The following VIL1 variants were observed in gnomAD, a reference collection of about 807,000 sequenced individuals.
VIL1 encodes villin 1.
VIL1 carries 86 observed loss-of-function variants against 104.0 expected under a neutral mutation model. The observed-to-expected ratio is 0.83, with a 90% CI of 0.69 to 0.99. The LOEUF is 0.99. Ranked by LOEUF, VIL1 falls within the 50% of genes least tolerant of loss-of-function variation. The probability of loss-of-function intolerance (pLI) is 0.00; values close to 1 mark genes in which losing one functional copy is unlikely to be tolerated. For synonymous variants in VIL1, 394 were observed against 412.6 expected (o/e 0.95, Z 0.55); for missense variants, 944 against 1,054.1 (o/e 0.90, Z 1.45).
Position 218,430,871 on chromosome 2 carries a change from C to T in VIL1, c.1095C>T (p.Gly365=). 1 of 1,612,938 alleles carries T rather than the reference C, an allele frequency of 6.2e-7. No homozygotes were observed. Among genetic ancestry groups the T allele is most frequent in the Non-Finnish European group, 8.5e-7 (1 of 1,179,496 alleles). ...GCCTAGGCAAAACCCACACTGTGGG[C>T]TCCGTGGGTGAGGGCCAGGCGGGGG... The part of the protein sequence containing the change: ...TSGLGKTHTV[G]SVAKVEQVKF... The change falls in exon 10 of 20, where the codon GGC becomes GGT. Residue 365 remains glycine (G), a synonymous_variant. Transcript: ENST00000248444.
chr2:218,423,632 TG>T (rs930343864), intron 1 of VIL1, 135 bp from the exon 2 acceptor site: 9 of 746,962 alleles, frequency 1.2e-5, no homozygotes, highest in Non-Finnish European at 2.1e-5. Flanking sequence ...GGTCCCTGAG[TG>T]GGGAGTAACC....
In VIL1 at chr2:218,436,716, T is replaced by C. The variant is rs187003291; in HGVS notation, c.1971+90T>C. ...GGCTTTAAGGTTAGGTAAGTGTCAA[T>C]GTTTTCTTGGCCCTTACATAATTTC... On this transcript the variant is annotated intron_variant, in intron 16 of 19. Transcript: ENST00000248444. The C allele has an allele frequency of 3.0e-4, 440 of 1,470,526 alleles. 4 individuals carry two copies. The African/African-American group carries it at 5.5e-3, about 18-fold the overall frequency. The allele number at this position is 1,470,526 out of a possible 1,614,324, so 91.1% of individuals were successfully genotyped here. A position where few individuals can be genotyped will look rare whatever the true frequency, so the allele number is the denominator to read the frequency against.
chr2:218,429,785 T>A (rs1283618761), intron 8 of VIL1, 64 bp from the exon 9 acceptor site: 4 of 1,585,238 alleles, frequency 2.5e-6, no homozygotes, highest in Non-Finnish European at 2.6e-6. Flanking sequence ...GACTTTTTTG[T>A]GTGTGAGGCT....
chr2:218,438,641 A>C lies in VIL1; in HGVS notation c.2161-17A>C. Reference sequence around the variant, plus strand: ...TGCTGAGATCCAGGTCTAATCTGTTATTTACTTTATGTGCAGAACACCAAA... The same window carrying C: ...TGCTGAGATCCAGGTCTAATCTGTTCTTTACTTTATGTGCAGAACACCAAA... On this transcript the variant is annotated splice_polypyrimidine_tract_variant and intron_variant, in intron 17 of 19. Coordinates refer to ENST00000248444, the MANE Select transcript of VIL1 (RefSeq NM_007127.3). 6.2e-7 allele frequency: 1 copy of C among 1,607,246 alleles called. No individual in the cohort carries two copies. Among genetic ancestry groups the C allele is most frequent in the Non-Finnish European group, 8.5e-7 (1 of 1,177,520 alleles).
At chr2:218,431,795 G>T in intron 10 of VIL1, 62 bp from the exon 11 acceptor site, 6 of 1,405,870 alleles carry the variant, frequency 4.3e-6, no homozygotes, top group Non-Finnish European at 6.0e-6. Flanking sequence ...ATTCAGGGCT[G>T]TTGTGAGGAC....
In VIL1 at chr2:218,432,797, G is replaced by T. The variant is rs745635756; in HGVS notation, c.1346G>T (p.Ser449Ile). The change falls in exon 13 of 20, where the codon AGC (serine) becomes ATC (isoleucine). Residue 449 changes from serine (S) to isoleucine (I), a missense_variant. By Grantham distance (142) the Ser-to-Ile change is moderately radical (BLOSUM62 -2). Coordinates refer to ENST00000248444, the MANE Select transcript of VIL1 (RefSeq NM_007127.3). Reference sequence around the variant, plus strand: ...CTCCCTCCTGCTCATCCCCAGGGCAGCCAGGCCAGCCAAGATGAAATTACA... The same window carrying T: ...CTCCCTCCTGCTCATCCCCAGGGCATCCAGGCCAGCCAAGATGAAATTACA... ...QHYLLYVWQG[S>I]QASQDEITAS... 1 of 1,614,064 alleles carries T rather than the reference G, an allele frequency of 6.2e-7. No individual in the cohort carries two copies.
At chr2:218,439,130 C>T (rs990999980) in intron 18 of VIL1, among the ~76,000 whole-genome samples, 1 of 151,744 alleles carries the variant, frequency 6.6e-6, no homozygotes, top group Non-Finnish European at 1.5e-5. Context: ...GAGGTTTCAC[C>T]ATGTTGGCCA....
At chr2:218,440,898 A>C (rs1460529576) in intron 19 of VIL1, 36 bp downstream of exon 19, 1 of 1,611,714 alleles carries the variant, frequency 6.2e-7, no homozygotes, top group Admixed American at 1.7e-5. Context: ...AAAGAAGTCC[A>C]TTTGTTGGAC....
At chr2:218,440,296 GTCTC>G (rs745791568) in intron 18 of VIL1, among the ~76,000 whole-genome samples, 1 of 152,146 alleles carries the variant, frequency 6.6e-6, no homozygotes, top group African/African-American at 2.4e-5. Context: ...GTTTTGAGGA[GTCTC>G]TCTCTGTTGC....
intron 19 of VIL1, among the ~76,000 whole-genome samples, chr2:218,443,449 T>G (rs1689316099): frequency 6.6e-6 from 1 of 151,582 alleles, no homozygotes; most frequent in Admixed American, 6.6e-5. Flanking sequence ...CTGCCCACCT[T>G]GCCCTCCCAA....
At chr2:218,449,137 T>C (rs886793845) in intron 19 of VIL1, 86 bp from the exon 20 acceptor site, 9 of 901,784 alleles carry the variant, frequency 1.0e-5, no homozygotes, top group Non-Finnish European at 1.7e-5. Context: ...ACCACATCTA[T>C]GACTCATCAG....
Position 218,428,048 on chromosome 2 carries a change from G to A in VIL1, c.431G>A (p.Gly144Asp). 6.2e-7 allele frequency: 1 copy of A among 1,614,162 alleles called. No homozygotes were observed. Among genetic ancestry groups the A allele is most frequent in the South Asian group, 1.1e-5 (1 of 91,082 alleles). Residue 144 changes from glycine (G) to aspartate (D), a missense_variant, in exon 5 of 20, where the codon GGC becomes GAC. Gly to Asp is a moderately conservative substitution (Grantham distance 94). Coordinates refer to ENST00000248444, the MANE Select transcript of VIL1 (RefSeq NM_007127.3). The part of the protein sequence containing the change: ...YDVQRLLHVK[G>D]KRNVVAGEVE... ...GTCCAGAGGCTGCTGCATGTCAAGG[G>A]CAAGAGGAACGTGGTAGCTGGAGAG...
In VIL1 at chr2:218,447,560, T is replaced by C. The variant is rs527588159; in HGVS notation, c.2371-1663T>C. On this transcript the variant is annotated intron_variant, in intron 19 of 19. Transcript: ENST00000248444. ...GTCTTGAACTCCTGAACTCAAGCAA[T>C]CTGCCTGACTTGGCCTCCCAAAATA... 5.3e-5 allele frequency among the ~76,000 whole-genome samples: 8 copies of C among 152,182 alleles called. No individual in the cohort carries two copies. The South Asian group carries it at 1.7e-3, about 32-fold the overall frequency.
At chr2:218,428,369 C>A (rs532390044) in intron 6 of VIL1, 32 bp downstream of exon 6, 2 of 1,587,128 alleles carry the variant, frequency 1.3e-6, no homozygotes, top group African/African-American at 1.3e-5. Flanking sequence ...ACCTCCCTCT[C>A]GAATCCTAGA....
intron 6 of VIL1, among the ~76,000 whole-genome samples, 157 bp from the exon 7 acceptor site, chr2:218,429,128 T>C (rs1454661484): frequency 1.3e-5 from 2 of 152,216 alleles, no homozygotes; most frequent in African/African-American, 4.8e-5. Flanking sequence ...CTTACATGCC[T>C]TAAAAGCTTG....
chr2:218,449,414 C>G lies in VIL1; in HGVS notation c.*78C>G, dbSNP rs1689428838. The G allele has an allele frequency of 2.4e-6, 3 of 1,231,214 alleles. No individual in the cohort carries two copies. The East Asian group carries it at 7.1e-5, about 29-fold the overall frequency. The allele number at this position is 1,231,214 out of a possible 1,614,324, so 76.3% of individuals were successfully genotyped here. On this transcript the variant is annotated 3_prime_UTR_variant, in exon 20 of 20. Coordinates refer to ENST00000248444, the MANE Select transcript of VIL1 (RefSeq NM_007127.3). Reference sequence around the variant, plus strand: ...TTTTCTCACCGATATTAGTCCTACACCAATTGAAGTGAAATTTTGCAGATG... The same window carrying G: ...TTTTCTCACCGATATTAGTCCTACAGCAATTGAAGTGAAATTTTGCAGATG...
At chr2:218,425,552 A>C in intron 3 of VIL1, 63 bp from the exon 4 acceptor site, 2 of 1,565,060 alleles carry the variant, frequency 1.3e-6, no homozygotes, top group South Asian at 2.3e-5. Flanking sequence ...GTGGGAGGTC[A>C]CACAGAGCTG....
In VIL1 at chr2:218,432,787, C is replaced by T; in HGVS notation, c.1342-6C>T. ...ATCCCACTCACTCCCTCCTGCTCATCCCCAGGGCAGCCAGGCCAGCCAAGA... is the reference window on the plus strand; with the variant it reads ...ATCCCACTCACTCCCTCCTGCTCATTCCCAGGGCAGCCAGGCCAGCCAAGA... On this transcript the variant is annotated splice_region_variant and splice_polypyrimidine_tract_variant and intron_variant, in intron 12 of 19. Coordinates refer to ENST00000248444, the MANE Select transcript of VIL1 (RefSeq NM_007127.3). 4 of 1,613,934 alleles carry T rather than the reference C, an allele frequency of 2.5e-6. No homozygotes were observed. Among genetic ancestry groups the T allele is most frequent in the Middle Eastern group, 1.7e-4 (1 of 6,060 alleles).
rs1339545142 is a variant in VIL1, at chr2:218,450,422, C to A, written c.*1086C>A. 6.6e-6 allele frequency: 1 copy of A among 152,584 alleles called. No individual in the cohort carries two copies. Among genetic ancestry groups the A allele is most frequent in the Non-Finnish European group, 1.5e-5 (1 of 68,046 alleles). The allele number at this position is 152,584 out of a possible 1,614,324, so 9.5% of individuals were successfully genotyped here. ...TAAAGAATCAGAATCAAAAGTCACTCTGAACATAAAGAAAAAAAATCATCT... is the reference window on the plus strand; with the variant it reads ...TAAAGAATCAGAATCAAAAGTCACTATGAACATAAAGAAAAAAAATCATCT... On this transcript the variant is annotated 3_prime_UTR_variant, in exon 20 of 20. Coordinates refer to ENST00000248444, the MANE Select transcript of VIL1 (RefSeq NM_007127.3).
Sources: gnomAD v4.1 joint callset for allele counts (sites outside exome capture counted in the v4.1 genomes callset) on GRCh38, gnomAD v4.1.1 for gene constraint, MANE v1.5 for transcripts, NCBI Gene and HGNC (gene_info 2026-07-23, HGNC 2026-07-21) for gene names.